The following PHKA2 variants were observed in gnomAD, a reference collection of about 807,000 sequenced individuals.
The protein encoded by PHKA2 is phosphorylase b kinase regulatory subunit alpha, liver isoform.
In PHKA2, 31 loss-of-function variants were observed where a neutral mutation model predicts 102.0. That is an observed-to-expected ratio of 0.30 (90% CI 0.23 to 0.41). The LOEUF (loss-of-function observed/expected upper bound fraction) is 0.41, where lower values mean the gene tolerates loss of function less well. PHKA2 is among the 10% of genes least tolerant of loss of function. PHKA2 has a pLI of 1.00. For synonymous variants in PHKA2, 455 were observed against 416.2 expected, an observed-to-expected ratio of 1.09 and a Z score of -1.13; for missense variants, 858 against 1,023.1, an observed-to-expected ratio of 0.84 and a Z score of 2.20.
chrX:18,903,010 G>T (rs2047726776), intron 26 of PHKA2: 1 of 112,196 alleles, frequency 8.9e-6, no homozygotes, highest in South Asian at 3.7e-4. Context: ...ACAGAAGCTA[G>T]AACTAACATC....
At chrX:18,962,198 G>C (rs1479560403) in intron 1 of PHKA2, among the ~76,000 whole-genome samples, 2 of 111,787 alleles carry the variant, frequency 1.8e-5, no homozygotes, top group Non-Finnish European at 3.8e-5. Context: ...CAGGGGATGG[G>C]TTAGATTTTA....
intron 26 of PHKA2, among the ~76,000 whole-genome samples, chrX:18,902,151 AT>A (rs1489117940): frequency 9.3e-6 from 1 of 107,334 alleles, no homozygotes; most frequent in Non-Finnish European, 1.9e-5. Context: ...ATGTTTTTTT[AT>A]TTTTTTTGAG....
intron 21 of PHKA2, among the ~76,000 whole-genome samples, chrX:18,908,485 G>A (rs1400932867): frequency 8.9e-6 from 1 of 112,418 alleles, no homozygotes; most frequent in Non-Finnish European, 1.9e-5. Context: ...TTCCTATGTT[G>A]AAATCTTAAC....
intron 19 of PHKA2, among the ~76,000 whole-genome samples, chrX:18,913,280 TCA>T (rs2047960321): frequency 8.9e-6 from 1 of 111,877 alleles, no homozygotes; most frequent in African/African-American, 3.2e-5. Flanking sequence ...ACTGAATTCA[TCA>T]CACAGTGTTC....
intron 1 of PHKA2, among the ~76,000 whole-genome samples, chrX:18,960,544 T>C (rs888563983): frequency 2.7e-5 from 3 of 111,352 alleles, no homozygotes; most frequent in African/African-American, 9.8e-5. Context: ...AGGTGCCACA[T>C]ACTTTTAAAC....
intron 28 of PHKA2, 72 bp from the exon 29 acceptor site, chrX:18,899,298 G>C: frequency 1.1e-6 from 1 of 895,806 alleles, no homozygotes. Context: ...GAGGGTCATG[G>C]AGCAGCATCC....
intron 12 of PHKA2, among the ~76,000 whole-genome samples, chrX:18,930,677 C>T (rs1052158874): frequency 4.5e-5 from 5 of 111,323 alleles, no homozygotes; most frequent in African/African-American, 6.5e-5. Flanking sequence ...GAGATATATG[C>T]GTTTTCCCTA....
chrX:18,952,724 A>G (rs1440196426), intron 2 of PHKA2, among the ~76,000 whole-genome samples, 183 bp from the exon 3 acceptor site: 1 of 112,117 alleles, frequency 8.9e-6, no homozygotes, highest in Non-Finnish European at 1.9e-5. Flanking sequence ...AGAAAGAAAA[A>G]TCTCGACAAA....
rs140662866 is a variant in PHKA2, at chrX:18,895,062, G to A, written c.3336+76C>T. The A allele has an allele frequency of 4.5e-3, 4,212 of 944,813 alleles. 77 individuals are homozygous for A. The African/African-American group carries it at 0.06, about 13-fold the overall frequency. The allele number at this position is 944,813 out of a possible 1,213,427, so 77.9% of individuals were successfully genotyped here. A position where few individuals can be genotyped will look rare whatever the true frequency, so the allele number is the denominator to read the frequency against. On this transcript the variant is annotated intron_variant, in intron 31 of 32. Coordinates refer to ENST00000379942, the MANE Select transcript of PHKA2 (RefSeq NM_000292.3). ...TAGAATGAGCCCAAAAGGAGCACAA[G>A]AGGTCAGAGTCCATGCAATGAAGCC...
chrX:18,902,294 C>G (rs1284421868), intron 26 of PHKA2, among the ~76,000 whole-genome samples: 1 of 109,105 alleles, frequency 9.2e-6, no homozygotes, highest in Non-Finnish European at 1.9e-5. Context: ...CGCCACCATA[C>G]CTGGCTAATT....
chrX:18,964,691 C>T (rs2048914935), intron 1 of PHKA2, among the ~76,000 whole-genome samples: 1 of 112,205 alleles, frequency 8.9e-6, no homozygotes, highest in African/African-American at 3.2e-5. Context: ...GAGATGTGTT[C>T]TAAAGGAGGA....
intron 1 of PHKA2, among the ~76,000 whole-genome samples, chrX:18,980,281 C>T (rs1246427712): frequency 1.8e-5 from 2 of 112,596 alleles, no homozygotes; most frequent in Non-Finnish European, 3.8e-5. Flanking sequence ...ACCTGACAGT[C>T]CTCCAGCCCA....
intron 10 of PHKA2, among the ~76,000 whole-genome samples, 162 bp from the exon 11 acceptor site, chrX:18,936,312 C>T (rs920895538): frequency 1.8e-5 from 2 of 111,977 alleles, no homozygotes; most frequent in Admixed American, 1.9e-4. Context: ...GCAGGAGGCA[C>T]ACTTACAGTG....
intron 21 of PHKA2, among the ~76,000 whole-genome samples, chrX:18,908,507 T>C (rs2047865192): frequency 8.9e-6 from 1 of 112,305 alleles, no homozygotes; most frequent in Non-Finnish European, 1.9e-5. Flanking sequence ...CCCACAATGA[T>C]GACATTAGGA....
chrX:18,896,754 T>G (rs2047564565), intron 30 of PHKA2: 2 of 235,977 alleles, frequency 8.5e-6, no homozygotes, highest in Non-Finnish European at 7.8e-6. Context: ...ATCTGAAGCC[T>G]CCCAGCCTTT....
Position 18,941,661 on chromosome X carries a change from G to A in PHKA2, c.732C>T (p.Ser244=). 5.1e-6 allele frequency: 6 copies of A among 1,171,399 alleles called. No homozygotes were observed. Among genetic ancestry groups the A allele is most frequent in the Non-Finnish European group, 7.0e-6 (6 of 858,037 alleles). Residue 244 remains serine (S), a synonymous_variant, in exon 8 of 33, where the codon TCC becomes TCT. Coordinates refer to ENST00000379942, the MANE Select transcript of PHKA2 (RefSeq NM_000292.3). ...TAGATGTCGACGCTCTTGGCAGCAT[G>A]GAGAACAGAATAGACTGAATGAAAA... ...EVEHCQSILF[S]MLPRASTSKE...
At chrX:18,966,878 C>G (rs2048952917) in intron 1 of PHKA2, among the ~76,000 whole-genome samples, 1 of 111,653 alleles carries the variant, frequency 9.0e-6, no homozygotes, top group South Asian at 3.8e-4. Context: ...AAGGGACTGA[C>G]TGGATGCAGG....
At chrX:18,895,423 C>A in intron 30 of PHKA2, 2 of 436,026 alleles carry the variant, frequency 4.6e-6, no homozygotes, top group South Asian at 6.3e-5. Flanking sequence ...CAGATCTCCC[C>A]CGAACAATGC....
At chrX:18,966,311 T>C (rs1225462527) in intron 1 of PHKA2, among the ~76,000 whole-genome samples, 2 of 108,928 alleles carry the variant, frequency 1.8e-5, no homozygotes, top group African/African-American at 3.4e-5. Context: ...AGGCTGGTCT[T>C]GAGCTCCTGA....
Sources: gnomAD v4.1 joint callset for allele counts (sites outside exome capture counted in the v4.1 genomes callset) on GRCh38, gnomAD v4.1.1 for gene constraint, MANE v1.5 for transcripts, NCBI Gene and HGNC (gene_info 2026-07-23, HGNC 2026-07-21) for gene names.